Variants in GPR158 observed in about 807,000 individuals in gnomAD.
The protein encoded by GPR158 is G protein-coupled receptor 158.
GPR158 carries 30 observed loss-of-function variants against 78.2 expected under a neutral mutation model. The ratio of observed to expected loss-of-function variants is 0.38; its 90% CI spans 0.29 to 0.52. GPR158 has a LOEUF of 0.52. Among genes scored for constraint, GPR158 ranks in the 20% least tolerant of loss-of-function variants. GPR158 has a pLI of 0.83. For synonymous variants in GPR158, 581 were observed against 591.1 expected, an observed-to-expected ratio of 0.98 and a Z score of 0.25; for missense variants, 1,463 against 1,523.5, an observed-to-expected ratio of 0.96 and a Z score of 0.66.
chr10:25,336,273 A>C (rs1331072606), intron 2 of GPR158, among the ~76,000 whole-genome samples: 1 of 152,100 alleles, frequency 6.6e-6, no homozygotes, highest in African/African-American at 2.4e-5. Context: ...TAATTCTTGC[A>C]AGATACATAA....
intron 5 of GPR158, among the ~76,000 whole-genome samples, chr10:25,528,265 T>G (rs568755590): frequency 6.6e-6 from 1 of 151,938 alleles, no homozygotes; most frequent in Admixed American, 6.6e-5. Flanking sequence ...ACAATACCCC[T>G]TATGAACATA....
At chr10:25,277,470 AAGAGAGAGAG>A (rs370403743) in intron 2 of GPR158, among the ~76,000 whole-genome samples, 1 of 149,292 alleles carries the variant, frequency 6.7e-6, no homozygotes, top group African/African-American at 2.5e-5. Flanking sequence ...AAAAAAGCAA[AAGAGAGAGAG>A]AGAGAGAGAG....
At chr10:25,268,667 CT>C (rs1175993331) in intron 2 of GPR158, among the ~76,000 whole-genome samples, 1 of 152,070 alleles carries the variant, frequency 6.6e-6, no homozygotes, top group African/African-American at 2.4e-5. Context: ...AAAATAGTTT[CT>C]ATTTTTGTGT....
Position 25,314,105 on chromosome 10 carries a change from T to G in GPR158, c.1009-81806T>G, listed in dbSNP as rs565748540. ...TATCTAGGTTTTTGAATTTATTTAT[T>G]TATTTATTTATTTAGAGACGGAGTC... On this transcript the variant is annotated intron_variant, in intron 2 of 10. Coordinates refer to ENST00000376351, the MANE Select transcript of GPR158 (RefSeq NM_020752.3). Among the ~76,000 whole-genome samples, 266 of 152,248 alleles carry G rather than the reference T, an allele frequency of 1.7e-3. 1 individual carries two copies. Among genetic ancestry groups the G allele is most frequent in the African/African-American group, 6.1e-3 (255 of 41,536 alleles).
intron 6 of GPR158, among the ~76,000 whole-genome samples, chr10:25,570,919 T>TA (rs936915270): frequency 1.3e-5 from 2 of 151,850 alleles, no homozygotes; most frequent in African/African-American, 2.4e-5. Flanking sequence ...GACTCCATCT[T>TA]AAAAAAAATA....
At chr10:25,177,361 A>G (rs972644401) in intron 1 of GPR158, among the ~76,000 whole-genome samples, 2 of 152,028 alleles carry the variant, frequency 1.3e-5, no homozygotes, top group Non-Finnish European at 1.5e-5. Flanking sequence ...ATGAACTGAG[A>G]TCTTCCCTTA....
intron 4 of GPR158, among the ~76,000 whole-genome samples, chr10:25,444,997 T>C (rs1358997638): frequency 6.6e-6 from 1 of 152,116 alleles, no homozygotes; most frequent in Non-Finnish European, 1.5e-5. Flanking sequence ...TATTAATTAG[T>C]TGGGGGTAAA....
At chr10:25,292,094 A>G (rs1854446849) in intron 2 of GPR158, among the ~76,000 whole-genome samples, 1 of 151,938 alleles carries the variant, frequency 6.6e-6, no homozygotes, top group Admixed American at 6.6e-5. Flanking sequence ...ATATACATAC[A>G]TGTTTACTAC....
Position 25,472,044 on chromosome 10 carries a change from A to G in GPR158, c.1404+5325A>G, listed in dbSNP as rs1380592250. On this transcript the variant is annotated intron_variant, in intron 5 of 10. Transcript: ENST00000376351. ...AGACATGAAGTCCTTGCCCATGCCT[A>G]TGTCCTGAATGGTATTGCCTAGGTT... is the stretch of plus-strand genomic sequence containing the variant. 3.3e-5 allele frequency among the ~76,000 whole-genome samples: 5 copies of G among 152,234 alleles called. No homozygotes were observed. In the East Asian group the frequency reaches 7.7e-4, roughly 24 times the overall value.
In GPR158 at chr10:25,225,868, G is replaced by T. The variant is rs191440269; in HGVS notation, c.1008+4711G>T. 2.4e-3 allele frequency among the ~76,000 whole-genome samples: 363 copies of T among 152,116 alleles called. 3 individuals are homozygous for T. Among genetic ancestry groups the T allele is most frequent in the Non-Finnish European group, 4.6e-3 (313 of 67,968 alleles). On this transcript the variant is annotated intron_variant, in intron 2 of 10. Coordinates refer to ENST00000376351, the MANE Select transcript of GPR158 (RefSeq NM_020752.3). ...GATAAATTTTAAAGAAGGCTAAAAA[G>T]GTAAGAAAACATATCATTTGGTATA...
At chr10:25,508,084 G>A (rs1354465958) in intron 5 of GPR158, among the ~76,000 whole-genome samples, 1 of 152,158 alleles carries the variant, frequency 6.6e-6, no homozygotes, top group African/African-American at 2.4e-5. Context: ...GTGTTTTTGT[G>A]TGTGTTTGGT....
At chr10:25,501,584 A>G (rs909610062) in intron 5 of GPR158, among the ~76,000 whole-genome samples, 2 of 152,162 alleles carry the variant, frequency 1.3e-5, no homozygotes, top group Non-Finnish European at 2.9e-5. Context: ...ACCTGCAGGA[A>G]AACAGTCTGA....
At chr10:25,388,719 C>T (rs1002169646) in intron 2 of GPR158, among the ~76,000 whole-genome samples, 2 of 152,234 alleles carry the variant, frequency 1.3e-5, no homozygotes. Context: ...AGGCAAGATT[C>T]CTGCACTCCC....
rs566098055 is a variant in GPR158, at chr10:25,304,122, G to A, written c.1008+82965G>A. Among the ~76,000 whole-genome samples, 22 of 151,286 alleles carry A rather than the reference G, an allele frequency of 1.5e-4. No individual in the cohort carries two copies. In the South Asian group the frequency reaches 2.1e-3, roughly 14 times the overall value. ...AAAGAAAGGGTATGGTTGTTTTTTC[G>A]TTTACTTGTTTGTTTTTGTTTTTTG... On this transcript the variant is annotated intron_variant, in intron 2 of 10. Coordinates refer to ENST00000376351, the MANE Select transcript of GPR158 (RefSeq NM_020752.3).
chr10:25,344,128 A>G (rs1855339609), intron 2 of GPR158, among the ~76,000 whole-genome samples: 1 of 151,962 alleles, frequency 6.6e-6, no homozygotes, highest in African/African-American at 2.4e-5. Flanking sequence ...AGCTGAAAAC[A>G]TTTTTCAAAT....
Position 25,176,341 on chromosome 10 carries a change from C to T in GPR158, c.902+19C>T, listed in dbSNP as rs2130621788. The T allele has an allele frequency of 6.5e-7, 1 of 1,538,252 alleles. No individual in the cohort carries two copies. Among genetic ancestry groups the T allele is most frequent in the East Asian group, 2.3e-5 (1 of 44,150 alleles). On this transcript the variant is annotated intron_variant, in intron 1 of 10. Transcript: ENST00000376351. The surrounding 1 kb of genome is among the most constrained non-coding windows in gnomAD (Gnocchi z 6.3). Reference sequence around the variant, plus strand: ...AATTCAGGTAGGGAGGGCCGGGGGGCAGGGGGGAAGGCAAAAGCGAAGCTT... The same window carrying T: ...AATTCAGGTAGGGAGGGCCGGGGGGTAGGGGGGAAGGCAAAAGCGAAGCTT...
chr10:25,515,644 T>G (rs17556670), intron 5 of GPR158, among the ~76,000 whole-genome samples: 10 of 147,516 alleles, frequency 6.8e-5, no homozygotes, highest in African/African-American at 2.3e-4. Flanking sequence ...CTTGTGATAG[T>G]TTACTGAGAA....
chr10:25,318,590 T>G (rs1391142468), intron 2 of GPR158, among the ~76,000 whole-genome samples: 3 of 152,322 alleles, frequency 2.0e-5, no homozygotes, highest in Non-Finnish European at 4.4e-5. Context: ...TTATTTGTTC[T>G]GTATAGAGCT....
intron 7 of GPR158, among the ~76,000 whole-genome samples, chr10:25,576,353 C>G (rs188502137): frequency 1.9e-4 from 29 of 152,250 alleles, no homozygotes; most frequent in Middle Eastern, 3.4e-3. Context: ...CAACCCATTC[C>G]TAGCTCATTT....
Sources: gnomAD v4.1 joint callset for allele counts (sites outside exome capture counted in the v4.1 genomes callset) on GRCh38, gnomAD v4.1.1 for gene constraint, Gnocchi (gnomAD v3.1) non-coding constraint, MANE v1.5 for transcripts, NCBI Gene and HGNC (gene_info 2026-07-23, HGNC 2026-07-21) for gene names.